SNX9: variants seen among roughly 807,000 people sequenced by gnomAD.
SNX9 encodes sorting nexin-9.
In SNX9, 44 loss-of-function variants were observed where a neutral mutation model predicts 89.4. The ratio of observed to expected loss-of-function variants is 0.49; its 90% confidence interval spans 0.39 to 0.63. SNX9 has a LOEUF of 0.63. Ranked by LOEUF, SNX9 falls within the 30% of genes least tolerant of loss-of-function variation. The probability of loss-of-function intolerance (pLI) is 0.00; values close to 1 mark genes in which losing one functional copy is unlikely to be tolerated. For synonymous variants in SNX9, 236 were observed against 247.8 expected, an observed-to-expected ratio of 0.95 and a Z score of 0.45; for missense variants, 578 against 736.1, an observed-to-expected ratio of 0.79 and a Z score of 2.49.
intron 16 of SNX9, 56 bp downstream of exon 16, chr6:157,938,803 A>T: frequency 7.4e-7 from 1 of 1,344,888 alleles, no homozygotes. Context: ...TCCCCAGCAA[A>T]GTTTCCCTTG....
chr6:157,887,550 G>A (rs189653893), intron 4 of SNX9, among the ~76,000 whole-genome samples: 3 of 152,226 alleles, frequency 2.0e-5, no homozygotes, highest in Admixed American at 1.3e-4. Flanking sequence ...TCCGTGTCCT[G>A]GAGAGTCTCT....
chr6:157,933,574 G>A (rs780020928), intron 13 of SNX9, among the ~76,000 whole-genome samples: 1 of 152,206 alleles, frequency 6.6e-6, no homozygotes, highest in Non-Finnish European at 1.5e-5. Flanking sequence ...GGGCTTTGAG[G>A]TCTAGACTGG....
intron 1 of SNX9, among the ~76,000 whole-genome samples, chr6:157,836,924 G>T (rs780378268): frequency 4.6e-5 from 7 of 152,260 alleles, no homozygotes; most frequent in South Asian, 2.1e-4. Context: ...CCCAGGTGAT[G>T]CTGATGCTGC....
chr6:157,899,784 T>A (rs930252305), intron 5 of SNX9, among the ~76,000 whole-genome samples: 5 of 151,832 alleles, frequency 3.3e-5, no homozygotes, highest in South Asian at 2.1e-4. Flanking sequence ...AAAAAAAAAA[T>A]TATCTATATT....
At chr6:157,909,251 G>A (rs1167002183) in intron 7 of SNX9, among the ~76,000 whole-genome samples, 2 of 152,182 alleles carry the variant, frequency 1.3e-5, no homozygotes, top group Admixed American at 1.3e-4. Flanking sequence ...GGACAATTTG[G>A]TATTGTTGAA....
rs192344120 is a variant in SNX9 at position 157,879,130 on chromosome 6, G to A, written c.300+3954G>A. ...GGTAATGTATATGAGTATTTACAAT[G>A]CATATCTCTAAGGCCCAGCGGTTCT... On this transcript the variant is annotated intron_variant, in intron 4 of 17. Transcript: ENST00000392185. Among the ~76,000 whole-genome samples, 4 of 152,326 alleles carry A rather than the reference G, an allele frequency of 2.6e-5. No individual in the cohort carries two copies. The East Asian group carries it at 5.8e-4, about 22-fold the overall frequency.
chr6:157,849,158 G>A (rs1037527526), intron 1 of SNX9, among the ~76,000 whole-genome samples: 2 of 152,184 alleles, frequency 1.3e-5, no homozygotes, highest in Admixed American at 1.3e-4. Flanking sequence ...ATCATTGAAG[G>A]TAAGAATTGT....
rs532715684 is a variant in SNX9 at position 157,858,077 on chromosome 6, A to G, written c.13-9470A>G. Among the ~76,000 whole-genome samples, 5 of 152,086 alleles carry G rather than the reference A, an allele frequency of 3.3e-5. No homozygotes were observed. The South Asian group carries it at 8.3e-4, about 25-fold the overall frequency. ...CATATGGTCTCGGATCTGCAGAGTTACTAACCCAGCCAGGTTCAGTGGTAG... is the reference window on the plus strand; with the variant it reads ...CATATGGTCTCGGATCTGCAGAGTTGCTAACCCAGCCAGGTTCAGTGGTAG... On this transcript the variant is annotated intron_variant, in intron 1 of 17. Coordinates refer to ENST00000392185, the MANE Select transcript of SNX9 (RefSeq NM_016224.5).
chr6:157,881,889 G>A (rs975369984), intron 4 of SNX9, among the ~76,000 whole-genome samples: 1 of 152,226 alleles, frequency 6.6e-6, no homozygotes, highest in Non-Finnish European at 1.5e-5. Flanking sequence ...GCACGGTGAA[G>A]CAGCAGGTGC....
At chr6:157,859,313 A>C (rs1328331332) in intron 1 of SNX9, among the ~76,000 whole-genome samples, 1 of 152,268 alleles carries the variant, frequency 6.6e-6, no homozygotes, top group Non-Finnish European at 1.5e-5. Flanking sequence ...AAATACTGGC[A>C]AATATAAATA....
At chr6:157,913,866 A>G (rs544651104) in intron 9 of SNX9, among the ~76,000 whole-genome samples, 1 of 152,294 alleles carries the variant, frequency 6.6e-6, no homozygotes, top group South Asian at 2.1e-4. Context: ...CAGTGTTTAG[A>G]TATACCATAG....
At chr6:157,902,158 A>G (rs2115170213) in intron 6 of SNX9, 113 bp downstream of exon 6, 1 of 898,440 alleles carries the variant, frequency 1.1e-6, no homozygotes, top group East Asian at 3.2e-5. Context: ...TGATCTCCTA[A>G]GTTTTGGATA....
At chr6:157,851,693 G>A (rs1026581849) in intron 1 of SNX9, among the ~76,000 whole-genome samples, 4 of 152,128 alleles carry the variant, frequency 2.6e-5, no homozygotes, top group African/African-American at 9.7e-5. Context: ...GGGTTCAAGC[G>A]ATTTTCCTGC....
Position 157,890,524 on chromosome 6 carries a change from A to G in SNX9, c.301-6303A>G, listed in dbSNP as rs1046427985. 5.3e-5 allele frequency among the ~76,000 whole-genome samples: 8 copies of G among 152,348 alleles called. No individual in the cohort carries two copies. The East Asian group carries it at 1.5e-3, about 29-fold the overall frequency. On this transcript the variant is annotated intron_variant, in intron 4 of 17. Transcript: ENST00000392185. ...CTGGGCCTAAAGGGGCATTTGATTTAGCTGGGGTGGGAGTTAGGAAGAGAG... is the reference window on the plus strand; with the variant it reads ...CTGGGCCTAAAGGGGCATTTGATTTGGCTGGGGTGGGAGTTAGGAAGAGAG...
chr6:157,870,003 A>T (rs988507656), intron 2 of SNX9, among the ~76,000 whole-genome samples: 1 of 151,584 alleles, frequency 6.6e-6, no homozygotes, highest in Non-Finnish European at 1.5e-5. Flanking sequence ...CTCACCTCTC[A>T]TGCACACCCA....
chr6:157,903,713 T>C (rs76342058), intron 6 of SNX9, among the ~76,000 whole-genome samples: 1,820 of 152,278 alleles, frequency 0.012, 41 homozygotes, highest in African/African-American at 0.042. Context: ...TGACTCTGGT[T>C]TTTGGTGCTC....
At chr6:157,864,218 G>A (rs181129480) in intron 1 of SNX9, among the ~76,000 whole-genome samples, 58 of 152,202 alleles carry the variant, frequency 3.8e-4, no homozygotes, top group African/African-American at 1.2e-3. Flanking sequence ...CACAGCAGAC[G>A]GGTGAGCGAG....
rs771389317 is a variant in SNX9, at chr6:157,876,322, G to T, written c.300+1146G>T. Among the ~76,000 whole-genome samples the T allele has an allele frequency of 4.5e-4, 68 of 152,222 alleles. 1 individual carries two copies. In the Middle Eastern group the frequency reaches 0.014, roughly 30 times the overall value. ...CAAAAATTAGCTAGGTGTGGTGGCAGGCACCTGTAATCCAAGCTGCTCGGG... is the reference window on the plus strand; with the variant it reads ...CAAAAATTAGCTAGGTGTGGTGGCATGCACCTGTAATCCAAGCTGCTCGGG... On this transcript the variant is annotated intron_variant, in intron 4 of 17. Transcript: ENST00000392185.
At chr6:157,826,857 AATAT>A (rs1323292607) in intron 1 of SNX9, among the ~76,000 whole-genome samples, 1 of 115,848 alleles carries the variant, frequency 8.6e-6, no homozygotes, top group East Asian at 2.3e-4. Flanking sequence ...TTTATATATA[AATAT>A]ATATTATAGT....
Sources: allele counts gnomAD v4.1 joint callset (sites outside exome capture counted in the v4.1 genomes callset), GRCh38; gene constraint gnomAD v4.1.1; transcripts MANE v1.5; gene names NCBI Gene and HGNC (gene_info 2026-07-23, HGNC 2026-07-21).